Variants in MEMO1 observed in about 807,000 individuals in gnomAD.
The protein encoded by MEMO1 is mediator of cell motility 1, also known as protein MEMO1.
MEMO1 carries 6 observed loss-of-function variants against 45.2 expected under a neutral mutation model. That is an observed-to-expected ratio of 0.13 (90% CI 0.07 to 0.26). The LOEUF is 0.26. Among genes scored for constraint, MEMO1 ranks in the 10% least tolerant of loss-of-function variants. MEMO1 has a pLI of 1.00. For synonymous variants in MEMO1, 78 were observed against 124.3 expected, an observed-to-expected ratio of 0.63 and a Z score of 2.48; for missense variants, 184 against 370.5, an observed-to-expected ratio of 0.50 and a Z score of 4.13.
At chr2:32,008,538 C>G (rs1035855023) in intron 2 of MEMO1, among the ~76,000 whole-genome samples, 4 of 151,962 alleles carry the variant, frequency 2.6e-5, no homozygotes, top group Non-Finnish European at 5.9e-5. Flanking sequence ...GAGTCAAGAT[C>G]GAGCCATTGC....
chr2:31,961,550 C>T (rs935583755), intron 2 of MEMO1, among the ~76,000 whole-genome samples: 2 of 151,638 alleles, frequency 1.3e-5, no homozygotes, highest in African/African-American at 4.8e-5. Context: ...ATTGCTTGAG[C>T]TCCGGATTTC....
chr2:31,967,720 A>G (rs528157936), intron 2 of MEMO1, among the ~76,000 whole-genome samples: 1 of 152,068 alleles, frequency 6.6e-6, no homozygotes, highest in Admixed American at 6.5e-5. Flanking sequence ...CTGGGACAAC[A>G]GGGCATGAGC....
At chr2:32,009,985 C>G (rs1374162806) in intron 2 of MEMO1, among the ~76,000 whole-genome samples, 1 of 150,478 alleles carries the variant, frequency 6.6e-6, no homozygotes, top group African/African-American at 2.4e-5. Context: ...GGGCTGCCGG[C>G]GCGGGATGCC....
chr2:31,909,015 C>A, intron 6 of MEMO1, among the ~76,000 whole-genome samples: 1 of 152,198 alleles, frequency 6.6e-6, no homozygotes, highest in Non-Finnish European at 1.5e-5. Flanking sequence ...AACAGGGCAC[C>A]TGTGTAATAA....
chr2:31,912,916 C>T (rs1680811006), intron 6 of MEMO1, among the ~76,000 whole-genome samples: 1 of 152,122 alleles, frequency 6.6e-6, no homozygotes, highest in Admixed American at 6.6e-5. Flanking sequence ...GATTGTAAGT[C>T]ATTTTATGTT....
At chr2:31,950,049 T>C (rs1420465180) in intron 2 of MEMO1, among the ~76,000 whole-genome samples, 1 of 152,196 alleles carries the variant, frequency 6.6e-6, no homozygotes, top group African/African-American at 2.4e-5. Flanking sequence ...AATTATGTCA[T>C]TTTACACTTA....
intron 6 of MEMO1, among the ~76,000 whole-genome samples, chr2:31,909,995 A>G (rs1307839337): frequency 1.3e-5 from 2 of 152,144 alleles, no homozygotes; most frequent in African/African-American, 4.8e-5. Context: ...CCAGAGGACA[A>G]AAACACTTTA....
intron 2 of MEMO1, among the ~76,000 whole-genome samples, chr2:31,945,058 C>A (rs1666037569): frequency 6.6e-6 from 1 of 152,118 alleles, no homozygotes; most frequent in Admixed American, 6.6e-5. Context: ...TCATTCTATT[C>A]TACTTTCACT....
intron 2 of MEMO1, among the ~76,000 whole-genome samples, chr2:31,959,598 A>G (rs1667778515): frequency 6.6e-6 from 1 of 152,152 alleles, no homozygotes; most frequent in African/African-American, 2.4e-5. Flanking sequence ...AGTTGCATTT[A>G]CAAGTAGTTA....
intron 2 of MEMO1, among the ~76,000 whole-genome samples, chr2:32,002,169 A>T (rs1673424228): frequency 1.3e-5 from 1 of 76,296 alleles, no homozygotes; most frequent in East Asian, 4.1e-4. Context: ...AAAAAAAAAA[A>T]TATATATATA....
chr2:31,956,665 T>G (rs1199320728), intron 2 of MEMO1, among the ~76,000 whole-genome samples: 4 of 152,208 alleles, frequency 2.6e-5, no homozygotes, highest in Non-Finnish European at 4.4e-5. Context: ...ACCAGAATAT[T>G]AAGCAACCGG....
At chr2:31,968,977 A>C (rs1400000344) in intron 2 of MEMO1, among the ~76,000 whole-genome samples, 1 of 152,114 alleles carries the variant, frequency 6.6e-6, no homozygotes, top group African/African-American at 2.4e-5. Flanking sequence ...TAAACTAAGA[A>C]GTTTAAAATA....
chr2:31,929,205 C>T (rs1418909951), intron 4 of MEMO1, among the ~76,000 whole-genome samples: 3 of 151,836 alleles, frequency 2.0e-5, no homozygotes, highest in Non-Finnish European at 4.4e-5. Flanking sequence ...AACATATTTC[C>T]ATTTTTATTT....
At chr2:31,972,258 C>G (rs1669500338) in intron 2 of MEMO1, among the ~76,000 whole-genome samples, 1 of 152,088 alleles carries the variant, frequency 6.6e-6, no homozygotes, top group Admixed American at 6.6e-5. Flanking sequence ...ATTACTCATT[C>G]GTTTTCAATT....
At chr2:31,899,988 T>C (rs748580737) in intron 6 of MEMO1, among the ~76,000 whole-genome samples, 3 of 152,216 alleles carry the variant, frequency 2.0e-5, no homozygotes, top group Admixed American at 1.3e-4. Context: ...TGATACCATC[T>C]CACACCAGTT....
At chr2:31,881,990 CA>C (rs933737454) in intron 8 of MEMO1, among the ~76,000 whole-genome samples, 2 of 151,892 alleles carry the variant, frequency 1.3e-5, no homozygotes, top group Non-Finnish European at 2.9e-5. Context: ...ACAAAAAATA[CA>C]AAAATTAGAT....
intron 3 of MEMO1, among the ~76,000 whole-genome samples, chr2:31,934,773 C>A (rs1322570482): frequency 2.0e-5 from 3 of 152,044 alleles, no homozygotes; most frequent in African/African-American, 7.2e-5. Context: ...TAGTCTAGTA[C>A]TGAAAAGCAC....
Position 31,899,130 on chromosome 2 carries a change from A to T in MEMO1, c.438-6996T>A, listed in dbSNP as rs530892610. On this transcript the variant is annotated intron_variant, in intron 6 of 9. Coordinates refer to ENST00000404530, the MANE Select transcript of MEMO1 (RefSeq NM_001301833.4). ...CCGCCCAAAGTAAGTTATAGATTCAATGCTATTCCCATCAAGCTACCATTG... is the reference window on the plus strand; with the variant it reads ...CCGCCCAAAGTAAGTTATAGATTCATTGCTATTCCCATCAAGCTACCATTG... 8.5e-5 allele frequency among the ~76,000 whole-genome samples: 13 copies of T among 152,324 alleles called. No homozygotes were observed. The South Asian group carries it at 2.7e-3, about 32-fold the overall frequency.
chr2:31,942,925 A>C (rs1665777992), intron 3 of MEMO1, among the ~76,000 whole-genome samples: 1 of 152,234 alleles, frequency 6.6e-6, no homozygotes, highest in Non-Finnish European at 1.5e-5. Flanking sequence ...TCAGTTTTTA[A>C]TTTTTAGTTC....
Sources: gnomAD v4.1 joint callset for allele counts (sites outside exome capture counted in the v4.1 genomes callset) on GRCh38, gnomAD v4.1.1 for gene constraint, MANE v1.5 for transcripts, NCBI Gene and HGNC (gene_info 2026-07-23, HGNC 2026-07-21) for gene names.